The following LIMS1 variants were observed in gnomAD, a reference collection of about 807,000 sequenced individuals.
LIMS1 encodes LIM and senescent cell antigen-like-containing domain protein 1.
LIMS1 carries 18 observed loss-of-function variants against 44.1 expected under a neutral mutation model. That is an observed-to-expected ratio of 0.41 (90% confidence interval 0.28 to 0.61). LIMS1 has a LOEUF of 0.61. LIMS1 is among the 20% of genes least tolerant of loss of function. The pLI, the probability that LIMS1 is intolerant of heterozygous loss-of-function variation, is 0.32. For missense variants in LIMS1, 201 were observed against 422.0 expected, an observed-to-expected ratio of 0.48 and a Z score of 4.59; for synonymous variants, 93 against 149.1, an observed-to-expected ratio of 0.62 and a Z score of 2.74.
intron 1 of LIMS1, among the ~76,000 whole-genome samples, chr2:108,612,005 C>CATATAAAATAAATAT (rs1553459837): frequency 7.4e-6 from 1 of 135,072 alleles, no homozygotes; most frequent in Non-Finnish European, 1.5e-5. Flanking sequence ...TATATATACA[C>CATATAAAATAAATAT]ACATATATAT....
At chr2:108,621,113 C>A in intron 1 of LIMS1, 1 of 491,224 alleles carries the variant, frequency 2.0e-6, no homozygotes, top group Non-Finnish European at 3.5e-6. Context: ...CCTTCTTGGT[C>A]ACCGCTTCCC....
At chr2:108,550,139 T>C (rs1383905683) in intron 1 of LIMS1, among the ~76,000 whole-genome samples, 1 of 152,166 alleles carries the variant, frequency 6.6e-6, no homozygotes, top group Non-Finnish European at 1.5e-5. Flanking sequence ...AAATATGGTA[T>C]GATTAGAACT....
rs969154913 is a variant in LIMS1, at chr2:108,538,072, G to A, written c.32+3478G>A. Among the ~76,000 whole-genome samples, 6 of 152,114 alleles carry A rather than the reference G, an allele frequency of 3.9e-5. No homozygotes were observed. The East Asian group carries it at 7.7e-4, about 19-fold the overall frequency. Reference sequence around the variant, plus strand: ...CCATTTTGTTAGTTTTATAGTTCTCGTAACTACACTTTAAGCTGTGGTTTT... The same window carrying A: ...CCATTTTGTTAGTTTTATAGTTCTCATAACTACACTTTAAGCTGTGGTTTT... On this transcript the variant is annotated intron_variant, in intron 1 of 9. Coordinates refer to ENST00000544547, the Ensembl canonical transcript of LIMS1.
chr2:108,669,248 G>A (rs1365262873), intron 2 of LIMS1, among the ~76,000 whole-genome samples: 5 of 151,400 alleles, frequency 3.3e-5, no homozygotes, highest in Admixed American at 2.0e-4. Flanking sequence ...TCTCTACTAA[G>A]AATACAAAAA....
At chr2:108,687,051 G>A (rs1693349308) in exon 10 of LIMS1, 1 of 152,142 alleles carries the variant, frequency 6.6e-6, no homozygotes, top group African/African-American at 2.4e-5. Context: ...TGAATAATAG[G>A]TCATTTTGCC....
intron 1 of LIMS1, among the ~76,000 whole-genome samples, chr2:108,617,249 T>C (rs1294364164): frequency 6.6e-6 from 1 of 152,236 alleles, no homozygotes. Context: ...TACCCTCTTA[T>C]ATCTGAAGGG....
intron 1 of LIMS1, among the ~76,000 whole-genome samples, chr2:108,601,337 T>C (rs556100053): frequency 5.9e-5 from 9 of 152,280 alleles, no homozygotes; most frequent in East Asian, 1.9e-4. Context: ...AGTCAGACAC[T>C]TGTCCGTGCA....
At chr2:108,656,578 C>A (rs1690870351) in intron 1 of LIMS1, among the ~76,000 whole-genome samples, 1 of 151,326 alleles carries the variant, frequency 6.6e-6, no homozygotes, top group Non-Finnish European at 1.5e-5. Context: ...GAAAGGGAAG[C>A]CTGACTGGTT....
intron 1 of LIMS1, among the ~76,000 whole-genome samples, chr2:108,649,311 A>G (rs1573550772): frequency 6.6e-6 from 1 of 152,362 alleles, no homozygotes; most frequent in East Asian, 1.9e-4. Flanking sequence ...TGATCATTAA[A>G]AAGTCAGGAA....
Position 108,626,584 on chromosome 2 carries a change from A to G in LIMS1, c.33-33021A>G, listed in dbSNP as rs184902140. ...ATTCTTCAAGGCAAGAGACTTTACCATATTTCCTGTGCATCTAGCACGTAC... is the reference window on the plus strand; with the variant it reads ...ATTCTTCAAGGCAAGAGACTTTACCGTATTTCCTGTGCATCTAGCACGTAC... On this transcript the variant is annotated intron_variant, in intron 1 of 9. Coordinates refer to ENST00000544547, the Ensembl canonical transcript of LIMS1. Among the ~76,000 whole-genome samples the G allele has an allele frequency of 2.2e-3, 334 of 152,250 alleles. 1 individual carries two copies. The highest frequency in any genetic ancestry group is 3.7e-3 in the Non-Finnish European group (250 of 68,010).
At chr2:108,623,217 GATT>G (rs1688357034) in intron 1 of LIMS1, among the ~76,000 whole-genome samples, 1 of 151,096 alleles carries the variant, frequency 6.6e-6, no homozygotes, top group Non-Finnish European at 1.5e-5. Flanking sequence ...TTTATGCCTG[GATT>G]TTTTTTTTAA....
At chr2:108,547,313 TTGA>T (rs1181697921) in intron 1 of LIMS1, among the ~76,000 whole-genome samples, 1 of 152,164 alleles carries the variant, frequency 6.6e-6, no homozygotes, top group African/African-American at 2.4e-5. Flanking sequence ...AGAGGTGGAA[TTGA>T]TGAGGTTGAG....
chr2:108,566,568 G>A lies in LIMS1; in HGVS notation c.32+31974G>A, dbSNP rs555809116. On this transcript the variant is annotated intron_variant, in intron 1 of 9. Coordinates refer to ENST00000544547, the Ensembl canonical transcript of LIMS1. ...TCCAGTGTATCATGCTGCTGTTGTC[G>A]TAAAATGCCAACATAAAATTTACCA... is the stretch of plus-strand genomic sequence containing the variant. Among the ~76,000 whole-genome samples, 149 of 152,108 alleles carry A rather than the reference G, an allele frequency of 9.8e-4. 1 individual carries two copies. The highest frequency in any genetic ancestry group is 1.6e-3 in the Non-Finnish European group (111 of 67,982).
chr2:108,542,604 C>A (rs572692549), intron 1 of LIMS1, among the ~76,000 whole-genome samples: 4 of 152,160 alleles, frequency 2.6e-5, no homozygotes, highest in Non-Finnish European at 5.9e-5. Context: ...CTTGGCATGT[C>A]CAGACAACCT....
At chr2:108,539,180 G>C (rs1009302117) in intron 1 of LIMS1, among the ~76,000 whole-genome samples, 4 of 152,172 alleles carry the variant, frequency 2.6e-5, no homozygotes, top group Non-Finnish European at 5.9e-5. Context: ...ACCTCCTGGG[G>C]TCAGGTGATC....
At chr2:108,551,867 G>T (rs1195408404) in intron 1 of LIMS1, among the ~76,000 whole-genome samples, 1 of 142,156 alleles carries the variant, frequency 7.0e-6, no homozygotes, top group African/African-American at 2.6e-5. Context: ...TAGTATATAT[G>T]TATACATATG....
chr2:108,661,895 T>C (rs1326607256), intron 2 of LIMS1, among the ~76,000 whole-genome samples: 1 of 152,250 alleles, frequency 6.6e-6, no homozygotes, highest in South Asian at 2.1e-4. Flanking sequence ...TTTTTTTCTC[T>C]CCTGTAGTCC....
chr2:108,674,656 G>T (rs1429195853), intron 5 of LIMS1, among the ~76,000 whole-genome samples: 1 of 140,124 alleles, frequency 7.1e-6, no homozygotes, highest in Non-Finnish European at 1.5e-5. Flanking sequence ...GGGAGGTGGA[G>T]CTTGCAGTGA....
chr2:108,687,131 C>T (rs1315148524), exon 10 of LIMS1: 1 of 152,086 alleles, frequency 6.6e-6, no homozygotes, highest in Non-Finnish European at 1.5e-5. Flanking sequence ...CCTTGTATTT[C>T]GTTTTAGATT....
Sources: allele counts gnomAD v4.1 joint callset (sites outside exome capture counted in the v4.1 genomes callset), GRCh38; gene constraint gnomAD v4.1.1; transcripts MANE v1.5; gene names NCBI Gene and HGNC (gene_info 2026-07-23, HGNC 2026-07-21).